PCNX2: variants seen among roughly 807,000 people sequenced by gnomAD.
PCNX2 encodes pecanex-like protein 2.
In PCNX2, 168 loss-of-function variants were observed where a neutral mutation model predicts 223.8. The ratio of observed to expected loss-of-function variants is 0.75; its 90% CI spans 0.66 to 0.85. The LOEUF (loss-of-function observed/expected upper bound fraction) is 0.85. Ranked by LOEUF, PCNX2 falls within the 40% of genes least tolerant of loss-of-function variation. The pLI, the probability that PCNX2 is intolerant of heterozygous loss-of-function variation, is 0.00. For synonymous variants in PCNX2, 1,006 were observed against 1,052.6 expected (o/e 0.96, Z 0.86); for missense variants, 2,507 against 2,675.5 (o/e 0.94, Z 1.39).
At chr1:233,011,882 T>C (rs917431187) in intron 28 of PCNX2, among the ~76,000 whole-genome samples, 18 of 152,216 alleles carry the variant, frequency 1.2e-4, no homozygotes, top group Non-Finnish European at 1.5e-5. Flanking sequence ...CCCTGGATTC[T>C]GTGAACTGCT....
intron 25 of PCNX2, among the ~76,000 whole-genome samples, chr1:233,048,259 C>T (rs540008929): frequency 3.3e-5 from 5 of 152,264 alleles, no homozygotes; most frequent in East Asian, 1.9e-4. Context: ...GAGTTCGAGA[C>T]CAGCCTGGCC....
chr1:233,251,857 T>A (rs931184644), intron 7 of PCNX2, among the ~76,000 whole-genome samples: 1 of 152,278 alleles, frequency 6.6e-6, no homozygotes, highest in African/African-American at 2.4e-5. Context: ...ATTCTCTATG[T>A]ATACTATTTT....
chr1:233,086,613 G>A (rs954856817), intron 23 of PCNX2, among the ~76,000 whole-genome samples: 1 of 152,170 alleles, frequency 6.6e-6, no homozygotes, highest in Non-Finnish European at 1.5e-5. Context: ...GGAGCTTGCA[G>A]TGAGTGGAGA....
intron 1 of PCNX2, among the ~76,000 whole-genome samples, chr1:233,290,210 C>T (rs948692299): frequency 6.6e-6 from 1 of 152,038 alleles, no homozygotes; most frequent in Admixed American, 6.5e-5. Context: ...GAGCATGGGG[C>T]CCACAACCAG....
At chr1:233,129,938 A>G (rs1369517398) in intron 21 of PCNX2, among the ~76,000 whole-genome samples, 2 of 152,210 alleles carry the variant, frequency 1.3e-5, no homozygotes, top group Non-Finnish European at 2.9e-5. Flanking sequence ...ACTCTTTGCA[A>G]TAAACCTTTT....
At chr1:233,141,395 G>C (rs1031990494) in intron 19 of PCNX2, among the ~76,000 whole-genome samples, 1 of 152,172 alleles carries the variant, frequency 6.6e-6, no homozygotes, top group Non-Finnish European at 1.5e-5. Flanking sequence ...GACCGGGTGC[G>C]GTGGCTCATG....
At chr1:233,321,010 CTTCTTTTTTTTTTTTTT>C in the PCNX2 span, among the ~76,000 whole-genome samples, 2 of 93,194 alleles carry the variant, frequency 2.1e-5, no homozygotes, top group South Asian at 3.5e-4. Flanking sequence ...AAGAAAATGT[CTTCTTTTTTTTTTTTTT>C]TTTTTTTTTT....
intron 21 of PCNX2, among the ~76,000 whole-genome samples, chr1:233,115,371 C>T (rs531336347): frequency 3.3e-5 from 5 of 152,158 alleles, no homozygotes; most frequent in African/African-American, 4.8e-5. Flanking sequence ...AGACATAAAC[C>T]GTTTCCGAAG....
At chr1:233,111,826 A>G (rs1261457948) in intron 21 of PCNX2, among the ~76,000 whole-genome samples, 1 of 152,230 alleles carries the variant, frequency 6.6e-6, no homozygotes, top group Non-Finnish European at 1.5e-5. Context: ...GTAGGATCAT[A>G]GTAGGTATTT....
At chr1:233,222,210 G>A (rs1398760918) in intron 10 of PCNX2, among the ~76,000 whole-genome samples, 2 of 152,132 alleles carry the variant, frequency 1.3e-5, no homozygotes, top group African/African-American at 4.8e-5. Flanking sequence ...ACAAAAGGAA[G>A]GCCAGTATGG....
intron 21 of PCNX2, among the ~76,000 whole-genome samples, chr1:233,100,417 C>CAAAAAAAAAAAA (rs5781726): frequency 2.5e-5 from 2 of 81,074 alleles, no homozygotes; most frequent in Non-Finnish European, 4.8e-5. Flanking sequence ...GATTCTGTCT[C>CAAAAAAAAAAAA]AAAAAAAAAA....
chr1:233,141,686 A>AAT (rs1266920796), intron 19 of PCNX2, among the ~76,000 whole-genome samples: 7 of 142,194 alleles, frequency 4.9e-5, no homozygotes, highest in East Asian at 2.0e-4. Context: ...AAAAAGAAAA[A>AAT]ATATATATAT....
chr1:233,199,797 C>CAT (rs1275334766), intron 14 of PCNX2, among the ~76,000 whole-genome samples: 1 of 108,846 alleles, frequency 9.2e-6, no homozygotes, highest in Non-Finnish European at 2.0e-5. Flanking sequence ...TGCTCAAATA[C>CAT]ACACACACAC....
At chr1:233,102,013 C>G (rs1311333961) in intron 21 of PCNX2, among the ~76,000 whole-genome samples, 1 of 149,008 alleles carries the variant, frequency 6.7e-6, no homozygotes, top group Non-Finnish European at 1.5e-5. Flanking sequence ...AATTTAAAAA[C>G]AAGAAACTAA....
rs557763340 is a variant in PCNX2 at position 233,212,968 on chromosome 1, C to T, written c.2692-4279G>A. On this transcript the variant is annotated intron_variant, in intron 12 of 33. Coordinates refer to ENST00000258229, the MANE Select transcript of PCNX2 (RefSeq NM_014801.4). ...GATAAGTCATATTGATAATTTGTCCCGTTGATGTGATGTGATCCATCATGT... is the reference window on the plus strand; with the variant it reads ...GATAAGTCATATTGATAATTTGTCCTGTTGATGTGATGTGATCCATCATGT... 5.3e-5 allele frequency among the ~76,000 whole-genome samples: 8 copies of T among 152,244 alleles called. No homozygotes were observed. In the South Asian group the frequency reaches 1.5e-3, roughly 28 times the overall value.
At position 233,295,500 on chromosome 1, in the gene PCNX2, G is replaced by C. The variant is rs1288136146; in HGVS notation, c.-22C>G. The C allele has an allele frequency of 6.5e-7, 1 of 1,541,028 alleles. No homozygotes were observed. Among genetic ancestry groups the C allele is most frequent in the Admixed American group, 2.0e-5 (1 of 50,624 alleles). On this transcript the variant is annotated 5_prime_UTR_variant, in exon 1 of 34. Transcript: ENST00000258229. The surrounding 1 kb of genome is among the most constrained non-coding windows in gnomAD (Gnocchi z 4.1). ...CCATGCCGGCTGCGCCCCGGGGCTGGTGAGCGCCCCGCTGCACCCTGCGCG... is the reference window on the plus strand; with the variant it reads ...CCATGCCGGCTGCGCCCCGGGGCTGCTGAGCGCCCCGCTGCACCCTGCGCG...
chr1:233,167,707 A>G (rs1037513119), intron 17 of PCNX2: 12 of 977,276 alleles, frequency 1.2e-5, no homozygotes, highest in Non-Finnish European at 1.2e-5. Context: ...ATCTCTTTAA[A>G]AAATAAAAAT....
chr1:233,132,406 C>T (rs563961086), intron 21 of PCNX2, among the ~76,000 whole-genome samples: 35 of 152,290 alleles, frequency 2.3e-4, no homozygotes, highest in African/African-American at 8.2e-4. Context: ...ATGCCCACTT[C>T]GAGCCACATA....
At position 233,090,220 on chromosome 1, in the gene PCNX2, A is replaced by C. The variant is rs1299284429; in HGVS notation, c.3947-30T>G. ...GAATGTTGAGTTAAGGCAAAAAAAA[A>C]AATTATGATTCTTAGATTTTTAAAA... On this transcript the variant is annotated intron_variant, in intron 22 of 33. Coordinates refer to ENST00000258229, the MANE Select transcript of PCNX2 (RefSeq NM_014801.4). The C allele has an allele frequency of 1.9e-6, 3 of 1,595,668 alleles. No individual in the cohort carries two copies. In the Admixed American group the frequency reaches 5.5e-5, roughly 29 times the overall value.
Sources: gnomAD v4.1 joint callset for allele counts (sites outside exome capture counted in the v4.1 genomes callset) on GRCh38, gnomAD v4.1.1 for gene constraint, Gnocchi (gnomAD v3.1) non-coding constraint, MANE v1.5 for transcripts, NCBI Gene and HGNC (gene_info 2026-07-23, HGNC 2026-07-21) for gene names.